The following PTPN9 variants were observed in gnomAD, a reference collection of about 807,000 sequenced individuals.
PTPN9 encodes the protein tyrosine-protein phosphatase non-receptor type 9.
A neutral mutation model predicts 69.8 loss-of-function variants in PTPN9; 26 were observed. That is an observed-to-expected ratio of 0.37 (90% CI 0.27 to 0.52). The LOEUF (loss-of-function observed/expected upper bound fraction) is 0.52, where lower values mean the gene tolerates loss of function less well. PTPN9 is among the 20% of genes least tolerant of loss of function. The pLI, the probability that PTPN9 is intolerant of heterozygous loss-of-function variation, is 0.91. For synonymous variants in PTPN9, 274 were observed against 272.5 expected, an observed-to-expected ratio of 1.01 and a Z score of -0.05; for missense variants, 549 against 740.3, an observed-to-expected ratio of 0.74 and a Z score of 3.00.
rs191262893 is a variant in PTPN9, at chr15:75,542,073, C to A, written c.64-14812G>T. ...AAATAAAATAAAATAAAATATAAAT[C>A]ATTAATAGGTCTACTCCCAGCAATC... is the stretch of plus-strand genomic sequence containing the variant. On this transcript the variant is annotated intron_variant, in intron 1 of 12. Coordinates refer to ENST00000618819, the MANE Select transcript of PTPN9 (RefSeq NM_002833.4). 6.2e-5 allele frequency among the ~76,000 whole-genome samples: 9 copies of A among 145,834 alleles called. No homozygotes were observed. In the East Asian group the frequency reaches 1.8e-3, roughly 30 times the overall value.
In PTPN9 at chr15:75,468,704, A is replaced by T; in HGVS notation, c.*65T>A. On this transcript the variant is annotated 3_prime_UTR_variant, in exon 13 of 13. Transcript: ENST00000618819. ...TTCAGCGTAACTGATGGCAACCTAT[A>T]GGCTCAGCGGTGTCCAGGGTAGTTT... The T allele has an allele frequency of 6.9e-7, 1 of 1,441,796 alleles. No individual in the cohort carries two copies. Among genetic ancestry groups the T allele is most frequent in the Non-Finnish European group, 9.6e-7 (1 of 1,040,376 alleles). 89.3% of individuals were successfully genotyped at this position (1,441,796 alleles called of 1,614,324 possible).
chr15:75,556,246 T>C (rs1362721679), intron 1 of PTPN9, among the ~76,000 whole-genome samples: 1 of 151,006 alleles, frequency 6.6e-6, no homozygotes, highest in East Asian at 2.0e-4. Context: ...GTATTTTTAG[T>C]AGAGACGGGG....
chr15:75,544,736 G>A (rs551826866), intron 1 of PTPN9, among the ~76,000 whole-genome samples: 3 of 152,098 alleles, frequency 2.0e-5, no homozygotes, highest in African/African-American at 7.2e-5. Context: ...GAAGAAACCT[G>A]TAAAGTCTTT....
intron 5 of PTPN9, among the ~76,000 whole-genome samples, chr15:75,512,275 T>G (rs1465557200): frequency 6.6e-6 from 1 of 151,796 alleles, no homozygotes; most frequent in African/African-American, 2.4e-5. Flanking sequence ...TGATCATAGC[T>G]CACTGCAGCC....
At chr15:75,480,530 G>C (rs1363520128) in intron 8 of PTPN9, 1 of 332,562 alleles carries the variant, frequency 3.0e-6, no homozygotes, top group Non-Finnish European at 5.1e-6. Flanking sequence ...CGCGGGCTGG[G>C]GTCGGTGGCT....
At chr15:75,578,669 C>G in intron 1 of PTPN9, 45 bp downstream of exon 1, 1 of 1,319,942 alleles carries the variant, frequency 7.6e-7, no homozygotes, top group Non-Finnish European at 9.7e-7. Context: ...GCGTAGGCCT[C>G]GGGGGCCCGG....
intron 8 of PTPN9, 71 bp from the exon 9 acceptor site, chr15:75,479,985 A>G: frequency 9.1e-7 from 1 of 1,098,614 alleles, no homozygotes; most frequent in Non-Finnish European, 1.3e-6. Flanking sequence ...TGATGTACTC[A>G]GTAAGTAAAA....
intron 9 of PTPN9, among the ~76,000 whole-genome samples, chr15:75,478,535 T>C (rs1322641782): frequency 1.3e-5 from 2 of 152,336 alleles, no homozygotes; most frequent in East Asian, 3.9e-4. Flanking sequence ...CCTCCCAAAG[T>C]ACTGGAGTTA....
intron 1 of PTPN9, among the ~76,000 whole-genome samples, chr15:75,539,611 G>C (rs2074999820): frequency 2.0e-5 from 3 of 151,892 alleles, no homozygotes; most frequent in African/African-American, 4.8e-5. Context: ...CAGCCTAGTA[G>C]AGAAGATTTA....
intron 5 of PTPN9, among the ~76,000 whole-genome samples, chr15:75,510,655 T>C (rs1239479044): frequency 1.3e-5 from 2 of 152,020 alleles, no homozygotes; most frequent in African/African-American, 4.8e-5. Flanking sequence ...TTTTTTTTTT[T>C]ACTGCTGTAC....
intron 8 of PTPN9, among the ~76,000 whole-genome samples, chr15:75,488,566 TGA>T (rs2074691720): frequency 7.0e-6 from 1 of 143,880 alleles, no homozygotes; most frequent in Non-Finnish European, 1.5e-5. Context: ...GAGGCCAAGG[TGA>T]GAGGATTGCT....
intron 1 of PTPN9, among the ~76,000 whole-genome samples, chr15:75,532,378 G>A (rs2074967484): frequency 6.6e-6 from 1 of 151,820 alleles, no homozygotes. Context: ...TTCCAGCCCA[G>A]GAGACAGTGC....
At chr15:75,514,100 C>CAA (rs71140167) in intron 5 of PTPN9, among the ~76,000 whole-genome samples, 2,085 of 114,792 alleles carry the variant, frequency 0.018, 61 homozygotes, top group African/African-American at 0.058. Context: ...CACTCTGTCT[C>CAA]AAAAAAAAAA....
chr15:75,510,023 A>T (rs2074838208), intron 5 of PTPN9, among the ~76,000 whole-genome samples: 1 of 152,214 alleles, frequency 6.6e-6, no homozygotes, highest in Non-Finnish European at 1.5e-5. Flanking sequence ...TAAAAATTTT[A>T]AAAATTTCTC....
At position 75,566,537 on chromosome 15, in the gene PTPN9, C is replaced by A. The variant is rs1375249190; in HGVS notation, c.63+12177G>T. ...TCTCTACTAAAAATTTAAAAATTAG[C>A]TGGGCATGGTGGCAGGCACCTGTAG... On this transcript the variant is annotated intron_variant, in intron 1 of 12. Coordinates refer to ENST00000618819, the MANE Select transcript of PTPN9 (RefSeq NM_002833.4). 2.0e-5 allele frequency among the ~76,000 whole-genome samples: 3 copies of A among 152,016 alleles called. No homozygotes were observed. The East Asian group carries it at 5.8e-4, about 29-fold the overall frequency.
intron 7 of PTPN9, among the ~76,000 whole-genome samples, chr15:75,493,647 G>T (rs2074723413): frequency 6.6e-6 from 1 of 152,048 alleles, no homozygotes; most frequent in African/African-American, 2.4e-5. Flanking sequence ...TGTAGTCCCA[G>T]CTACTCGGGA....
Position 75,516,367 on chromosome 15 carries a change from G to T in PTPN9, c.528+892C>A, listed in dbSNP as rs528561947. On this transcript the variant is annotated intron_variant, in intron 5 of 12. Coordinates refer to ENST00000618819, the MANE Select transcript of PTPN9 (RefSeq NM_002833.4). ...CGCCCAGGCTGGAGTGCAGTGGCAC[G>T]ATCTTGGCTCACTGCAAGCTCCGCC... Among the ~76,000 whole-genome samples the T allele has an allele frequency of 1.8e-4, 26 of 145,776 alleles. No homozygotes were observed. The South Asian group carries it at 5.4e-3, about 30-fold the overall frequency.
At chr15:75,470,099 A>ACC (rs1476441821) in intron 11 of PTPN9, 100 bp from the exon 12 acceptor site, 1 of 1,100,022 alleles carries the variant, frequency 9.1e-7, no homozygotes, top group Non-Finnish European at 1.3e-6. Flanking sequence ...TATCCCTACC[A>ACC]CCAAGGCTCC....
chr15:75,570,658 C>A (rs2075144770), intron 1 of PTPN9, among the ~76,000 whole-genome samples: 1 of 151,756 alleles, frequency 6.6e-6, no homozygotes, highest in African/African-American at 2.4e-5. Context: ...GTCCCAGGAA[C>A]CCGGGAGGCG....
Sources: allele counts gnomAD v4.1 joint callset (sites outside exome capture counted in the v4.1 genomes callset), GRCh38; gene constraint gnomAD v4.1.1; transcripts MANE v1.5; gene names NCBI Gene and HGNC (gene_info 2026-07-23, HGNC 2026-07-21).